Variants in CTNNA2 observed in about 807,000 individuals in gnomAD.
The protein encoded by CTNNA2 is catenin alpha 2.
CTNNA2 carries 42 observed loss-of-function variants against 101.0 expected under a neutral mutation model. The observed-to-expected ratio is 0.42, with a 90% CI of 0.32 to 0.54. The LOEUF (loss-of-function observed/expected upper bound fraction) is 0.54. Among genes scored for constraint, CTNNA2 ranks in the 20% least tolerant of loss-of-function variants. The pLI is 0.14. For synonymous variants in CTNNA2, 450 were observed against 456.4 expected, an observed-to-expected ratio of 0.99 and a Z score of 0.18; for missense variants, 871 against 1,223.1, an observed-to-expected ratio of 0.71 and a Z score of 4.29.
At chr2:80,620,102 A>G (rs1670953416) in intron 18 of CTNNA2, among the ~76,000 whole-genome samples, 1 of 151,776 alleles carries the variant, frequency 6.6e-6, no homozygotes, top group African/African-American at 2.4e-5. Flanking sequence ...GAGGTGGTTG[A>G]CTTTTTAAGG....
chr2:80,552,292 C>T (rs144410231), intron 11 of CTNNA2, among the ~76,000 whole-genome samples: 140 of 152,062 alleles, frequency 9.2e-4, no homozygotes, highest in Middle Eastern at 3.4e-3. Context: ...ACTTGCTTGA[C>T]GCAGAGTTGC....
chr2:79,526,682 T>C (rs1445694323), intron 1 of CTNNA2, among the ~76,000 whole-genome samples: 2 of 152,110 alleles, frequency 1.3e-5, no homozygotes, highest in African/African-American at 4.8e-5. Flanking sequence ...ATATTTATGG[T>C]TAATTGATTT....
chr2:80,465,471 C>T (rs1178220360), intron 9 of CTNNA2, among the ~76,000 whole-genome samples: 1 of 152,148 alleles, frequency 6.6e-6, no homozygotes, highest in Non-Finnish European at 1.5e-5. Flanking sequence ...ACTGAAAGAA[C>T]TTGGCACATG....
At chr2:79,367,881 A>T (rs1677784286) in intron 3 of CTNNA2, among the ~76,000 whole-genome samples, 1 of 152,154 alleles carries the variant, frequency 6.6e-6, no homozygotes, top group African/African-American at 2.4e-5. Context: ...TATAATCTGC[A>T]GTCTATAGAT....
chr2:80,533,440 A>G (rs1422468528), intron 9 of CTNNA2, among the ~76,000 whole-genome samples: 2 of 152,182 alleles, frequency 1.3e-5, no homozygotes, highest in Non-Finnish European at 2.9e-5. Flanking sequence ...TAGGATGGTT[A>G]GATTCATCCT....
At chr2:80,485,906 T>C (rs1303197627) in intron 9 of CTNNA2, among the ~76,000 whole-genome samples, 1 of 152,222 alleles carries the variant, frequency 6.6e-6, no homozygotes, top group Non-Finnish European at 1.5e-5. Context: ...CATGATGGTA[T>C]TTTGCAAAGC....
chr2:80,601,664 A>G (rs1697553168), intron 15 of CTNNA2: 1 of 150,880 alleles, frequency 6.6e-6, no homozygotes, highest in Non-Finnish European at 1.5e-5. Context: ...TTTTTCTCCT[A>G]TTATTTCTTG....
chr2:80,089,962 T>C (rs1198262358), intron 7 of CTNNA2, among the ~76,000 whole-genome samples: 1 of 152,090 alleles, frequency 6.6e-6, no homozygotes, highest in Non-Finnish European at 1.5e-5. Flanking sequence ...TCAGGTGTTT[T>C]CTGTCACCCA....
chr2:80,361,365 A>G (rs931501579), intron 7 of CTNNA2, among the ~76,000 whole-genome samples: 2 of 152,062 alleles, frequency 1.3e-5, no homozygotes, highest in African/African-American at 4.8e-5. Context: ...TAGTTTTTTT[A>G]CTCAGCGTGG....
intron 9 of CTNNA2, among the ~76,000 whole-genome samples, chr2:80,484,417 T>C (rs1686390456): frequency 1.3e-5 from 2 of 152,152 alleles, no homozygotes; most frequent in South Asian, 4.1e-4. Context: ...GTGTCTAGTG[T>C]CTTAAAATTA....
chr2:80,604,062 A>G lies in CTNNA2; in HGVS notation c.2190-12A>G. On this transcript the variant is annotated splice_polypyrimidine_tract_variant and intron_variant, in intron 15 of 18. Coordinates refer to ENST00000402739, the MANE Select transcript of CTNNA2 (RefSeq NM_001282597.3). The stretch of plus-strand genomic sequence containing the variant: ...AAGTGGATTTCTAATTATGTTGTAT[A>G]TGTTGTTTCAGAGGCAAAGGCCCAT... The G allele has an allele frequency of 6.2e-7, 1 of 1,606,044 alleles. No individual in the cohort carries two copies.
At chr2:79,313,635 A>G (rs1676432417) in intron 3 of CTNNA2, among the ~76,000 whole-genome samples, 1 of 152,050 alleles carries the variant, frequency 6.6e-6, no homozygotes, top group Non-Finnish European at 1.5e-5. Flanking sequence ...CTGCAGTACC[A>G]CATTAGCTAA....
At chr2:79,876,859 A>T (rs544037931) in intron 6 of CTNNA2, among the ~76,000 whole-genome samples, 9 of 152,162 alleles carry the variant, frequency 5.9e-5, no homozygotes, top group Non-Finnish European at 1.3e-4. Flanking sequence ...CTGAAGTGAT[A>T]TCTCCTCATG....
intron 2 of CTNNA2, among the ~76,000 whole-genome samples, chr2:79,734,332 A>G (rs1687382624): frequency 6.6e-6 from 1 of 152,142 alleles, no homozygotes; most frequent in Admixed American, 6.6e-5. Flanking sequence ...TAGATCCTTT[A>G]AACCAGTTTG....
chr2:79,847,407 G>A (rs946983373), intron 3 of CTNNA2, among the ~76,000 whole-genome samples: 2 of 151,828 alleles, frequency 1.3e-5, no homozygotes, highest in African/African-American at 4.8e-5. Flanking sequence ...GCTGGGTGTG[G>A]TGGCATGTGC....
chr2:80,594,592 T>C (rs1421556095), intron 15 of CTNNA2, among the ~76,000 whole-genome samples: 3 of 152,110 alleles, frequency 2.0e-5, no homozygotes, highest in African/African-American at 7.2e-5. Flanking sequence ...TCCAATGTCA[T>C]GAAGTTTTCT....
At chr2:79,292,246 G>A (rs1159120151) in intron 2 of CTNNA2, among the ~76,000 whole-genome samples, 1 of 152,120 alleles carries the variant, frequency 6.6e-6, no homozygotes, top group Non-Finnish European at 1.5e-5. Context: ...TGTTGGCTGT[G>A]GCAGTGAGGA....
At chr2:80,433,437 A>C (rs1434869600) in intron 9 of CTNNA2, among the ~76,000 whole-genome samples, 1 of 152,076 alleles carries the variant, frequency 6.6e-6, no homozygotes, top group African/African-American at 2.4e-5. Context: ...AAGGAATTAA[A>C]GCGGGCCCCA....
intron 3 of CTNNA2, among the ~76,000 whole-genome samples, chr2:79,744,934 G>A (rs962789794): frequency 6.6e-6 from 1 of 152,126 alleles, no homozygotes; most frequent in African/African-American, 2.4e-5. Flanking sequence ...ATGGATGAAG[G>A]GGGAGAAGAA....
Sources: gnomAD v4.1 joint callset for allele counts (sites outside exome capture counted in the v4.1 genomes callset) on GRCh38, gnomAD v4.1.1 for gene constraint, MANE v1.5 for transcripts, NCBI Gene and HGNC (gene_info 2026-07-23, HGNC 2026-07-21) for gene names.